PIBF1: variants seen among roughly 807,000 people sequenced by gnomAD.
PIBF1 encodes the protein progesterone-induced-blocking factor 1.
Under a neutral mutation model 112.5 loss-of-function variants are expected in PIBF1, and 90 were observed. The ratio of observed to expected loss-of-function variants is 0.80; its 90% CI spans 0.67 to 0.95. The LOEUF (loss-of-function observed/expected upper bound fraction) is 0.95. Ranked by LOEUF, PIBF1 falls within the 40% of genes least tolerant of loss-of-function variation. The probability of loss-of-function intolerance (pLI) is 0.00; values close to 1 mark genes in which losing one functional copy is unlikely to be tolerated. For missense variants in PIBF1, 915 were observed against 852.3 expected (o/e 1.07, Z -0.92); for synonymous variants, 301 against 288.6 (o/e 1.04, Z -0.44).
intron 9 of PIBF1, among the ~76,000 whole-genome samples, chr13:72,836,411 T>C (rs1322624627): frequency 6.6e-6 from 1 of 152,156 alleles, no homozygotes; most frequent in Non-Finnish European, 1.5e-5. Context: ...TACCATGTCA[T>C]TTCTACTAGG....
At chr13:72,835,785 C>T (rs1030467427) in intron 9 of PIBF1, among the ~76,000 whole-genome samples, 2 of 152,226 alleles carry the variant, frequency 1.3e-5, no homozygotes, top group East Asian at 3.9e-4. Context: ...CGAAAGATGT[C>T]GTATTAGGTA....
chr13:72,918,382 T>A (rs9600039), intron 13 of PIBF1, among the ~76,000 whole-genome samples: 4,059 of 116,130 alleles, frequency 0.035, 78 homozygotes, highest in Middle Eastern at 0.087. Context: ...AGCAACTACC[T>A]ATTTTTTTTT....
intron 2 of PIBF1, among the ~76,000 whole-genome samples, chr13:72,790,412 A>T (rs912010971): frequency 4.0e-5 from 5 of 125,258 alleles, no homozygotes; most frequent in Non-Finnish European, 8.3e-5. Context: ...AGAGTTTAGG[A>T]GGAGTCCATC....
chr13:72,984,710 T>C (rs1173300093), intron 16 of PIBF1, among the ~76,000 whole-genome samples: 3 of 152,170 alleles, frequency 2.0e-5, no homozygotes, highest in Non-Finnish European at 2.9e-5. Context: ...TAGAACCTAA[T>C]AGAACTATGT....
At position 72,973,573 on chromosome 13, in the gene PIBF1, T is replaced by C. The variant is rs1162045366; in HGVS notation, c.1965-18T>C. The C allele has an allele frequency of 1.5e-6, 2 of 1,363,052 alleles. No individual in the cohort carries two copies. The highest frequency in any genetic ancestry group is 2.0e-6 in the Non-Finnish European group (2 of 979,264). 84.4% of individuals were successfully genotyped at this position (1,363,052 alleles called of 1,614,324 possible). On this transcript the variant is annotated intron_variant, in intron 15 of 17. Coordinates refer to ENST00000326291, the MANE Select transcript of PIBF1 (RefSeq NM_006346.4). ...TACTAACATAATGACTTTTTAAAAC[T>C]GGGGTTTTTTTTTTCAGCAACTTAA...
intron 6 of PIBF1, 45 bp downstream of exon 6, chr13:72,822,027 G>C (rs1319241718): frequency 6.6e-7 from 1 of 1,512,190 alleles, no homozygotes; most frequent in Non-Finnish European, 8.9e-7. Flanking sequence ...TATTTTTAGG[G>C]TGCATCAAAG....
chr13:72,868,267 CCCCT>C (rs751524046), intron 10 of PIBF1, among the ~76,000 whole-genome samples: 2 of 151,654 alleles, frequency 1.3e-5, no homozygotes, highest in Non-Finnish European at 2.9e-5. Context: ...TGCCACTATG[CCCCT>C]GCCTGAGCAA....
chr13:72,932,132 C>T (rs908035979), intron 14 of PIBF1, among the ~76,000 whole-genome samples: 1 of 151,706 alleles, frequency 6.6e-6, no homozygotes, highest in African/African-American at 2.4e-5. Flanking sequence ...TTGGTAGAGA[C>T]AGGGTTTCAC....
rs79597262 is a variant in PIBF1, at chr13:72,951,391, T to C, written c.1834-13883T>C. On this transcript the variant is annotated intron_variant, in intron 14 of 17. Coordinates refer to ENST00000326291, the MANE Select transcript of PIBF1 (RefSeq NM_006346.4). Reference sequence around the variant, plus strand: ...TGGAAAAGTTTTTTAACTTCTTTGGTTTCAGTGTCCTCATTTGTAAAATGT... The same window carrying C: ...TGGAAAAGTTTTTTAACTTCTTTGGCTTCAGTGTCCTCATTTGTAAAATGT... Among the ~76,000 whole-genome samples the C allele has an allele frequency of 8.0e-3, 1,220 of 152,290 alleles. 14 individuals are homozygous for C. Among genetic ancestry groups the C allele is most frequent in the African/African-American group, 0.028 (1,148 of 41,566 alleles).
intron 10 of PIBF1, among the ~76,000 whole-genome samples, chr13:72,886,450 A>C (rs1046612966): frequency 6.6e-6 from 1 of 151,764 alleles, no homozygotes; most frequent in Non-Finnish European, 1.5e-5. Flanking sequence ...TGTTATAAAA[A>C]TTTTATAACA....
intron 9 of PIBF1, chr13:72,836,007 G>T (rs1594014166): frequency 5.5e-6 from 2 of 366,048 alleles, no homozygotes; most frequent in East Asian, 1.6e-4. Context: ...GCTGAGGCAG[G>T]AGAATGGCAT....
intron 5 of PIBF1, among the ~76,000 whole-genome samples, chr13:72,806,921 C>G (rs1435492460): frequency 6.6e-6 from 1 of 151,360 alleles, no homozygotes; most frequent in East Asian, 1.9e-4. Flanking sequence ...AGTTCTAGAT[C>G]CTTGAGGAAT....
At chr13:72,900,926 G>A (rs1376718881) in intron 11 of PIBF1, among the ~76,000 whole-genome samples, 2 of 152,230 alleles carry the variant, frequency 1.3e-5, no homozygotes, top group East Asian at 3.8e-4. Flanking sequence ...GGAGGCTGAG[G>A]CAGGAGAATC....
At chr13:72,832,867 A>G (rs2037187511) in intron 8 of PIBF1, among the ~76,000 whole-genome samples, 1 of 152,040 alleles carries the variant, frequency 6.6e-6, no homozygotes, top group South Asian at 2.1e-4. Flanking sequence ...AGTGTTTTCC[A>G]ACTTGGTTCC....
chr13:72,838,765 C>T (rs1268841628), intron 9 of PIBF1, among the ~76,000 whole-genome samples: 21 of 152,078 alleles, frequency 1.4e-4, no homozygotes, highest in Non-Finnish European at 2.6e-4. Flanking sequence ...TTTGTCAATA[C>T]GGACTCAAAT....
At chr13:72,938,720 T>G (rs1441487432) in intron 14 of PIBF1, among the ~76,000 whole-genome samples, 1 of 152,212 alleles carries the variant, frequency 6.6e-6, no homozygotes, top group Non-Finnish European at 1.5e-5. Flanking sequence ...GGTAATTCTA[T>G]GATTCACTTT....
chr13:72,842,504 A>G lies in PIBF1; in HGVS notation c.1223+7136A>G, dbSNP rs1412326155. 2.0e-5 allele frequency among the ~76,000 whole-genome samples: 3 copies of G among 152,244 alleles called. No homozygotes were observed. In the East Asian group the frequency reaches 5.8e-4, roughly 29 times the overall value. ...AATTTATCTTCCAAAAGTACTCAAGAAGAAACTTTAATGATATAAACTTGA... is the reference window on the plus strand; with the variant it reads ...AATTTATCTTCCAAAAGTACTCAAGGAGAAACTTTAATGATATAAACTTGA... On this transcript the variant is annotated intron_variant, in intron 9 of 17. Transcript: ENST00000326291.
intron 15 of PIBF1, chr13:72,970,437 C>G (rs2042858052): frequency 6.6e-6 from 1 of 152,106 alleles, no homozygotes; most frequent in South Asian, 2.1e-4. Context: ...TCAGTTTATT[C>G]TTAACTGGTA....
chr13:72,942,705 A>T (rs890161870), intron 14 of PIBF1, among the ~76,000 whole-genome samples: 3 of 152,178 alleles, frequency 2.0e-5, no homozygotes, highest in African/African-American at 7.2e-5. Context: ...GTTGATATTA[A>T]AAATCCTTTA....
Sources: allele counts gnomAD v4.1 joint callset (sites outside exome capture counted in the v4.1 genomes callset), GRCh38; gene constraint gnomAD v4.1.1; transcripts MANE v1.5; gene names NCBI Gene and HGNC (gene_info 2026-07-23, HGNC 2026-07-21).